FAM193A: variants seen among roughly 807,000 people sequenced by gnomAD.
FAM193A encodes protein FAM193A.
Under a neutral mutation model 126.5 loss-of-function variants are expected in FAM193A, and 22 were observed. The ratio of observed to expected loss-of-function variants is 0.17; its 90% CI spans 0.12 to 0.25. The LOEUF (loss-of-function observed/expected upper bound fraction) is 0.25, where lower values mean the gene tolerates loss of function less well. Ranked by LOEUF, FAM193A falls within the 10% of genes least tolerant of loss-of-function variation. FAM193A has a pLI of 1.00. For missense variants in FAM193A, 1,675 were observed against 1,672.8 expected, an observed-to-expected ratio of 1.00 and a Z score of -0.02; for synonymous variants, 761 against 646.8, an observed-to-expected ratio of 1.18 and a Z score of -2.68.
rs561310184 is a variant in FAM193A, at chr4:2,663,427, T to TA, written c.2079+140dup. On this transcript the variant is annotated intron_variant, in intron 12 of 20. Coordinates refer to ENST00000637812, the MANE Select transcript of FAM193A (RefSeq NM_001366318.2). Reference sequence around the variant, plus strand: ...GAACTGAAGAGAGTCAAGGCATACTTACAATCTCCATTTGAATCTTGTTTT... The same window carrying TA: ...GAACTGAAGAGAGTCAAGGCATACTTAACAATCTCCATTTGAATCTTGTTTT... 2.6e-3 allele frequency: 1,590 copies of TA among 614,162 alleles called. 4 individuals are homozygous for TA. The highest frequency in any genetic ancestry group is 5.6e-3 in the Admixed American group (151 of 27,178). 38.0% of individuals were successfully genotyped at this position (614,162 alleles called of 1,614,324 possible). A position where few individuals can be genotyped will look rare whatever the true frequency, so the allele number is the denominator to read the frequency against.
Position 2,660,010 on chromosome 4 carries a change from G to T in FAM193A, c.1701G>T (p.Gln567His). ...CCAGCTCTCCCATCACAATTCAGCAGCACCCCAGGCTCATCCTCACAGACA... is the reference window on the plus strand; with the variant it reads ...CCAGCTCTCCCATCACAATTCAGCATCACCCCAGGCTCATCCTCACAGACA... ...SGSSSPITIQ[Q>H]HPRLILTDSG... The change falls in exon 10 of 21, where the codon CAG (glutamine) becomes CAT (histidine). Residue 567 changes from glutamine (Q) to histidine (H), a missense_variant. Around this residue, in one of 4 missense-constraint regions of FAM193A, gnomAD observed 1,186 missense variants for 1,109.2 expected, o/e 1.07. Transcript: ENST00000637812. 6.2e-7 allele frequency: 1 copy of T among 1,614,130 alleles called. No individual in the cohort carries two copies. The highest frequency in any genetic ancestry group is 1.1e-5 in the South Asian group (1 of 91,084).
intron 1 of FAM193A, among the ~76,000 whole-genome samples, chr4:2,545,497 CT>C (rs1480300102): frequency 1.3e-5 from 2 of 151,968 alleles, no homozygotes; most frequent in African/African-American, 2.4e-5. Context: ...TATGAGTCAA[CT>C]GATGTGTCTA....
chr4:2,675,685 G>A (rs1168600290), intron 13 of FAM193A, among the ~76,000 whole-genome samples: 1 of 152,168 alleles, frequency 6.6e-6, no homozygotes, highest in Non-Finnish European at 1.5e-5. Context: ...CCATTTTTAA[G>A]TGTAGAATTC....
intron 19 of FAM193A, among the ~76,000 whole-genome samples, chr4:2,702,355 C>A (rs1717827570): frequency 6.6e-6 from 1 of 152,160 alleles, no homozygotes; most frequent in Non-Finnish European, 1.5e-5. Context: ...TACTTTGTGT[C>A]ATGGTTCGAT....
At chr4:2,731,529 GTTTCT>G (rs1721393221) in intron 20 of FAM193A, among the ~76,000 whole-genome samples, 1 of 151,952 alleles carries the variant, frequency 6.6e-6, no homozygotes, top group Non-Finnish European at 1.5e-5. Flanking sequence ...CAGATTAAAC[GTTTCT>G]TTTCTTTCTC....
intron 1 of FAM193A, among the ~76,000 whole-genome samples, chr4:2,573,700 C>G (rs888294259): frequency 2.0e-5 from 3 of 152,074 alleles, no homozygotes; most frequent in East Asian, 1.9e-4. Context: ...CTGTCGGGCT[C>G]TGTTCTAGAC....
intron 20 of FAM193A, among the ~76,000 whole-genome samples, chr4:2,717,455 A>G (rs1184302862): frequency 6.6e-6 from 1 of 151,872 alleles, no homozygotes; most frequent in Non-Finnish European, 1.5e-5. Context: ...AATTACCTGG[A>G]CGTGGTGACA....
chr4:2,643,945 A>C (rs923819701), intron 6 of FAM193A, among the ~76,000 whole-genome samples: 2 of 152,226 alleles, frequency 1.3e-5, no homozygotes, highest in Non-Finnish European at 2.9e-5. Context: ...AGGCTAATAA[A>C]ACTTACCCAA....
At chr4:2,545,144 C>T (rs768356309) in intron 1 of FAM193A, among the ~76,000 whole-genome samples, 3 of 152,244 alleles carry the variant, frequency 2.0e-5, no homozygotes, top group East Asian at 1.9e-4. Context: ...AGGCATGCGC[C>T]GCCATGCCCA....
At chr4:2,579,224 G>T (rs555918568) in intron 1 of FAM193A, among the ~76,000 whole-genome samples, 179 of 152,154 alleles carry the variant, frequency 1.2e-3, no homozygotes, top group Admixed American at 3.5e-3. Flanking sequence ...GCTGGGCGCG[G>T]TGGCTCACGC....
chr4:2,723,891 A>G (rs13121825), intron 20 of FAM193A, among the ~76,000 whole-genome samples: 6 of 152,110 alleles, frequency 3.9e-5, no homozygotes, highest in Non-Finnish European at 7.4e-5. Flanking sequence ...AGCCTTGACC[A>G]CCAGGCCCAG....
chr4:2,700,640 C>T (rs893267452), intron 19 of FAM193A, 96 bp downstream of exon 19: 13 of 1,436,738 alleles, frequency 9.0e-6, no homozygotes, highest in Admixed American at 6.5e-5. Context: ...GGCATGCTCT[C>T]GCCATGTGGC....
chr4:2,702,584 C>A (rs1431880841), intron 19 of FAM193A, among the ~76,000 whole-genome samples: 3 of 152,254 alleles, frequency 2.0e-5, no homozygotes, highest in Non-Finnish European at 4.4e-5. Flanking sequence ...TTGCTATGTA[C>A]AAGCCGTGAG....
At chr4:2,591,502 C>T (rs374477860) in intron 1 of FAM193A, among the ~76,000 whole-genome samples, 2 of 152,238 alleles carry the variant, frequency 1.3e-5, no homozygotes, top group East Asian at 1.9e-4. Context: ...CAGGAGGTGG[C>T]AGCGTCACCA....
At chr4:2,559,477 C>G (rs1560442344) in intron 1 of FAM193A, among the ~76,000 whole-genome samples, 2 of 152,188 alleles carry the variant, frequency 1.3e-5, no homozygotes, top group Admixed American at 1.3e-4. Context: ...GTCACCCAGT[C>G]TGGAGTGTAG....
intron 20 of FAM193A, among the ~76,000 whole-genome samples, chr4:2,731,196 CAAAAAAAAAAAAAAA>C (rs546217602): frequency 1.2e-5 from 1 of 86,868 alleles, no homozygotes; most frequent in Admixed American, 9.9e-5. Context: ...AACTCCTTCT[CAAAAAAAAAAAAAAA>C]AAAAAAAAAA....
chr4:2,722,887 T>C (rs1171764396), intron 20 of FAM193A, among the ~76,000 whole-genome samples: 2 of 152,214 alleles, frequency 1.3e-5, no homozygotes, highest in Non-Finnish European at 2.9e-5. Context: ...GGTCTGGAAC[T>C]CTGGAGCTCA....
At chr4:2,678,096 C>A (rs927207036) in intron 13 of FAM193A, among the ~76,000 whole-genome samples, 2 of 151,970 alleles carry the variant, frequency 1.3e-5, no homozygotes, top group Non-Finnish European at 2.9e-5. Flanking sequence ...CTCCTGGTTT[C>A]AAACGATTCT....
chr4:2,681,092 T>G (rs1337120565), intron 13 of FAM193A, among the ~76,000 whole-genome samples: 2 of 152,056 alleles, frequency 1.3e-5, no homozygotes, highest in African/African-American at 4.8e-5. Context: ...TGAGCTCAAA[T>G]GATTCTCCTG....
Sources: allele counts gnomAD v4.1 joint callset (sites outside exome capture counted in the v4.1 genomes callset), GRCh38; gene constraint gnomAD v4.1.1; regional missense constraint gnomAD v4.1.1; transcripts MANE v1.5; gene names NCBI Gene and HGNC (gene_info 2026-07-23, HGNC 2026-07-21).